Variants in KIF7 observed in about 807,000 individuals in gnomAD.
KIF7 encodes the protein kinesin family member 7.
In KIF7, 104 loss-of-function variants were observed where a neutral mutation model predicts 135.7. The ratio of observed to expected loss-of-function variants is 0.77; its 90% CI spans 0.65 to 0.90. KIF7 has a LOEUF of 0.90. Among genes scored for constraint, KIF7 ranks in the 40% least tolerant of loss-of-function variants. The probability of loss-of-function intolerance (pLI) is 0.00; values close to 1 mark genes in which losing one functional copy is unlikely to be tolerated. For missense variants in KIF7, 2,005 were observed against 1,839.1 expected, an observed-to-expected ratio of 1.09 and a Z score of -1.65; for synonymous variants, 883 against 809.4, an observed-to-expected ratio of 1.09 and a Z score of -1.54.
intron 1 of KIF7, among the ~76,000 whole-genome samples, chr15:89,654,730 G>A (rs187150492): frequency 4.6e-5 from 7 of 152,314 alleles, no homozygotes; most frequent in Non-Finnish European, 7.4e-5. Context: ...TCTTCATCCA[G>A]GGAACTTTCC....
At chr15:89,623,412 A>G (rs1449837910), downstream of KIF7, among the ~76,000 whole-genome samples, 3 of 152,252 alleles carry the variant, frequency 2.0e-5, no homozygotes, top group African/African-American at 7.2e-5. Context: ...GACAAACTAA[A>G]CTTGGATAGT....
At position 89,628,588 on chromosome 15, in the gene KIF7, C is replaced by G; in HGVS notation, c.3863G>C (p.Gly1288Ala). The G allele has an allele frequency of 1.2e-6, 2 of 1,613,516 alleles. No individual in the cohort carries two copies. The highest frequency in any genetic ancestry group is 1.7e-6 in the Non-Finnish European group (2 of 1,180,008). The stretch of plus-strand genomic sequence containing the variant: ...CCGCTGCCTCAGTTCCTCGGGGGAC[C>G]CCTGCTCCTCACCACACAGGCTCGA... ...KRSSLCGEEQ[G>A]SPEELRQREA... is the part of the protein sequence containing the mutation. The change falls in exon 19 of 19, where the codon GGG (glycine) becomes GCG (alanine). Residue 1288 changes from glycine (G) to alanine (A), a missense_variant. Transcript: ENST00000394412.
intron 11 of KIF7, among the ~76,000 whole-genome samples, chr15:89,635,267 C>A (rs1255300890): frequency 6.6e-6 from 1 of 152,186 alleles, no homozygotes; most frequent in Non-Finnish European, 1.5e-5. Context: ...AAAAGCGGAG[C>A]GCCTCTCCTC....
intron 11 of KIF7, among the ~76,000 whole-genome samples, chr15:89,634,224 G>A (rs982997456): frequency 5.9e-5 from 9 of 152,104 alleles, no homozygotes; most frequent in Non-Finnish European, 7.4e-5. Context: ...ACTTGAACCC[G>A]GGAGGCAGAG....
chr15:89,629,336 AG>A, intron 17 of KIF7, 38 bp downstream of exon 17: 1 of 667,524 alleles, frequency 1.5e-6, no homozygotes, highest in Non-Finnish European at 1.8e-6. Flanking sequence ...GGGGGGATGG[AG>A]GGGGCCGGGG....
chr15:89,648,625 C>A lies in KIF7; in HGVS notation c.1073G>T (p.Arg358Leu). The change falls in exon 5 of 19, where the codon CGG (arginine) becomes CTG (leucine). Residue 358 changes from arginine (R) to leucine (L), a missense_variant. Physicochemically the swap from Arg to Leu is moderately radical, Grantham distance 102. Coordinates refer to ENST00000394412, the MANE Select transcript of KIF7 (RefSeq NM_198525.3). Reference protein sequence around the residue: ...NIRNRATVNWRPEAERPPEET... With the variant: ...NIRNRATVNWLPEAERPPEET... ...TTCGGGTGGCCGCTCGGCCTCGGGC[C>A]GCCAGTTGACCGTGGCGCGGTTGCG... The A allele has an allele frequency of 6.5e-7, 1 of 1,534,990 alleles. No homozygotes were observed. Among genetic ancestry groups the A allele is most frequent in the Non-Finnish European group, 8.7e-7 (1 of 1,145,898 alleles).
chr15:89,618,972 A>G (rs1425519585), intron 1 of KIF7, among the ~76,000 whole-genome samples: 1 of 152,176 alleles, frequency 6.6e-6, no homozygotes. Flanking sequence ...AAATAAAATA[A>G]TAAAAGTATA....
downstream of KIF7, chr15:89,624,395 C>T: frequency 3.7e-6 from 6 of 1,614,218 alleles, no homozygotes; most frequent in Non-Finnish European, 5.1e-6. Flanking sequence ...TCAACTCCCC[C>T]TGAACTCTCA....
At chr15:89,626,832 C>A, downstream of KIF7, 2 of 1,064,136 alleles carry the variant, frequency 1.9e-6, no homozygotes, top group Non-Finnish European at 2.7e-6. Flanking sequence ...GATAAGCGAA[C>A]CTCCAAGCAG....
intron 14 of KIF7, among the ~76,000 whole-genome samples, chr15:89,632,561 C>G (rs1479556988): frequency 6.6e-6 from 1 of 152,162 alleles, no homozygotes; most frequent in African/African-American, 2.4e-5. Context: ...TGGGGATGCA[C>G]AGGATAGAAC....
chr15:89,625,976 C>G (rs766091285), downstream of KIF7: 1 of 1,604,454 alleles, frequency 6.2e-7, no homozygotes, highest in Non-Finnish European at 8.5e-7. Flanking sequence ...GGAGCTGCCT[C>G]TCTGCCAGTG....
At chr15:89,650,981 G>A (rs1049811513) in intron 2 of KIF7, among the ~76,000 whole-genome samples, 4 of 152,160 alleles carry the variant, frequency 2.6e-5, no homozygotes, top group South Asian at 2.1e-4. Flanking sequence ...GCCCAGGCTG[G>A]AATGCAGTGA....
chr15:89,653,938 A>G (rs894290117), intron 1 of KIF7, among the ~76,000 whole-genome samples: 4 of 152,060 alleles, frequency 2.6e-5, no homozygotes, highest in African/African-American at 9.7e-5. Context: ...CTCCCTGCCT[A>G]ACCCCAACTC....
chr15:89,643,056 A>G (rs1294422766), intron 10 of KIF7, among the ~76,000 whole-genome samples: 1 of 145,586 alleles, frequency 6.9e-6, no homozygotes, highest in African/African-American at 2.5e-5. Flanking sequence ...TGACACCACA[A>G]AAAAGCAAAC....
chr15:89,651,207 C>T (rs774203459), intron 2 of KIF7, among the ~76,000 whole-genome samples: 5 of 152,152 alleles, frequency 3.3e-5, no homozygotes, highest in Non-Finnish European at 5.9e-5. Context: ...TCAAGCGATT[C>T]CCCTGCCTCA....
Position 89,645,880 on chromosome 15 carries a change from G to C in KIF7, c.1922+13C>G, listed in dbSNP as rs376321790. 6.2e-7 allele frequency: 1 copy of C among 1,612,416 alleles called. No individual in the cohort carries two copies. The highest frequency in any genetic ancestry group is 1.1e-5 in the South Asian group (1 of 91,034). On this transcript the variant is annotated intron_variant, in intron 8 of 18. Coordinates refer to ENST00000394412, the MANE Select transcript of KIF7 (RefSeq NM_198525.3). ...CAGGTCCTTGTCAGGTGGGGGCAGTGGGTCCCACTCACCTGCGCAGGTGTA... is the reference window on the plus strand; with the variant it reads ...CAGGTCCTTGTCAGGTGGGGGCAGTCGGTCCCACTCACCTGCGCAGGTGTA...
chr15:89,619,829 G>C, intron 1 of KIF7: 1 of 1,612,078 alleles, frequency 6.2e-7, no homozygotes, highest in Non-Finnish European at 8.5e-7. Flanking sequence ...ACTCTTTCCA[G>C]CAAGATAAGT....
chr15:89,662,316 G>A, the KIF7 span, among the ~76,000 whole-genome samples: 3 of 151,854 alleles, frequency 2.0e-5, no homozygotes, highest in South Asian at 6.3e-4. Context: ...GGACAACATG[G>A]TGAAACCCCG....
chr15:89,646,026 G>C lies in KIF7; in HGVS notation c.1789C>G (p.Gln597Glu). The change falls in exon 8 of 19, where the codon CAG (glutamine) becomes GAG (glutamate). Residue 597 changes from glutamine (Q) to glutamate (E), a missense_variant and splice_region_variant. By Grantham distance (29) the Gln-to-Glu change is conservative. Coordinates refer to ENST00000394412, the MANE Select transcript of KIF7 (RefSeq NM_198525.3). ...DEVGSEQRGE[Q>E]VTNGREAGAE... ...CCAGCCTCCCTGCCATTTGTCACCT[G>C]CTAGGGGAGTGAGCCATTTCCCATC... The C allele has an allele frequency of 6.2e-7, 1 of 1,613,766 alleles. No individual in the cohort carries two copies. Among genetic ancestry groups the C allele is most frequent in the South Asian group, 1.1e-5 (1 of 91,084 alleles).
Sources: allele counts gnomAD v4.1 joint callset (sites outside exome capture counted in the v4.1 genomes callset), GRCh38; gene constraint gnomAD v4.1.1; transcripts MANE v1.5; gene names NCBI Gene and HGNC (gene_info 2026-07-23, HGNC 2026-07-21).